Variants in CEBPZ observed in about 807,000 individuals in gnomAD.
The protein encoded by CEBPZ is CCAAT enhancer binding protein zeta.
Under a neutral mutation model 104.5 loss-of-function variants are expected in CEBPZ, and 78 were observed. The ratio of observed to expected loss-of-function variants is 0.75; its 90% CI spans 0.62 to 0.90. The LOEUF is 0.90. Ranked by LOEUF, CEBPZ falls within the 40% of genes least tolerant of loss-of-function variation. The pLI is 0.00. For synonymous variants in CEBPZ, 470 were observed against 427.0 expected (o/e 1.10, Z -1.24); for missense variants, 1,439 against 1,233.5 (o/e 1.17, Z -2.50).
At chr2:37,204,963 T>C (rs1677480949) in intron 13 of CEBPZ, among the ~76,000 whole-genome samples, 1 of 152,188 alleles carries the variant, frequency 6.6e-6, no homozygotes, top group Admixed American at 6.5e-5. Context: ...TCAGTAGAAC[T>C]TGAAGTAAAG....
chr2:37,229,184 AAGGAT>A, intron 1 of CEBPZ, 148 bp from the exon 2 acceptor site: 1 of 645,400 alleles, frequency 1.5e-6, no homozygotes, highest in Non-Finnish European at 2.4e-6. Flanking sequence ...CCACAAAGGA[AAGGAT>A]AAGTAAATTT....
chr2:37,214,286 C>T (rs1291126712), intron 9 of CEBPZ, among the ~76,000 whole-genome samples: 1 of 151,938 alleles, frequency 6.6e-6, no homozygotes, highest in Non-Finnish European at 1.5e-5. Flanking sequence ...AAAAAACAAG[C>T]CAAATCAAAC....
intron 12 of CEBPZ, chr2:37,211,373 T>C (rs1677715765): frequency 7.5e-6 from 2 of 265,092 alleles, no homozygotes; most frequent in Non-Finnish European, 1.4e-5. Context: ...TGGTTCAGAA[T>C]AAGTAAGAAG....
chr2:37,201,683 A>T lies in CEBPZ; in HGVS notation c.*81T>A. The T allele has an allele frequency of 1.2e-6, 1 of 852,940 alleles. No homozygotes were observed. The highest frequency in any genetic ancestry group is 2.6e-5 in the East Asian group (1 of 37,768). The allele number at this position is 852,940 out of a possible 1,614,324, so 52.8% of individuals were successfully genotyped here. A position where few individuals can be genotyped will look rare whatever the true frequency, so the allele number is the denominator to read the frequency against. On this transcript the variant is annotated 3_prime_UTR_variant, in exon 16 of 16. Coordinates refer to ENST00000234170, the MANE Select transcript of CEBPZ (RefSeq NM_005760.3). The stretch of plus-strand genomic sequence containing the variant: ...TGAGAAGTCTGGAATGTATGGAATC[A>T]GAGAGCTAGATCAAAAAACATGGTT...
chr2:37,219,862 C>T (rs564935839), intron 5 of CEBPZ, among the ~76,000 whole-genome samples: 100 of 152,268 alleles, frequency 6.6e-4, no homozygotes, highest in African/African-American at 2.3e-3. Flanking sequence ...ACAGTCATAA[C>T]CCATGCATGA....
chr2:37,209,729 G>C (rs1464699075), intron 13 of CEBPZ: 3 of 152,254 alleles, frequency 2.0e-5, no homozygotes, highest in East Asian at 3.9e-4. Flanking sequence ...ATTGGCTTAA[G>C]TAGAGTTCAT....
intron 13 of CEBPZ, among the ~76,000 whole-genome samples, chr2:37,205,837 T>A (rs1408966316): frequency 4.6e-5 from 7 of 152,204 alleles, no homozygotes; most frequent in African/African-American, 1.4e-4. Flanking sequence ...TGAAGCAGAA[T>A]CTTGTAAGAT....
At chr2:37,220,328 A>ATAT (rs1553351237) in intron 5 of CEBPZ, 57 bp downstream of exon 5, 2 of 501,506 alleles carry the variant, frequency 4.0e-6, no homozygotes, top group African/African-American at 2.1e-5. Context: ...AAAAAAAAAA[A>ATAT]ATATATATAT....
chr2:37,213,062 C>T (rs1275611307), intron 10 of CEBPZ, among the ~76,000 whole-genome samples: 2 of 151,572 alleles, frequency 1.3e-5, no homozygotes, highest in Non-Finnish European at 3.0e-5. Flanking sequence ...ACAAACAAAC[C>T]CCCCAAAAAA....
At chr2:37,203,146 T>A (rs750949162) in intron 13 of CEBPZ, 138 bp from the exon 14 acceptor site, 25 of 540,632 alleles carry the variant, frequency 4.6e-5, no homozygotes, top group Non-Finnish European at 7.3e-5. Flanking sequence ...ATTGGGTAGC[T>A]GGCATTTAAA....
intron 15 of CEBPZ, 140 bp downstream of exon 15, chr2:37,202,644 C>CAAAAAAAAAAAAAAAAAAAAAAAA (rs56340587): frequency 1.0e-5 from 2 of 192,918 alleles, no homozygotes; most frequent in Non-Finnish European, 1.7e-5. Context: ...GACGCTGTCT[C>CAAAAAAAAAAAAAAAAAAAAAAAA]AAAAAAAAAA....
At chr2:37,220,889 C>T (rs144229537) in intron 4 of CEBPZ, among the ~76,000 whole-genome samples, 2,041 of 152,078 alleles carry the variant, frequency 0.013, 21 homozygotes, top group Non-Finnish European at 0.02. Flanking sequence ...CCCAGCTATT[C>T]GGGAGACTGA....
chr2:37,221,034 C>T (rs992136744), intron 4 of CEBPZ, among the ~76,000 whole-genome samples: 1 of 152,046 alleles, frequency 6.6e-6, no homozygotes, highest in African/African-American at 2.4e-5. Flanking sequence ...AAAACTTCTC[C>T]TTTGGCTGGG....
chr2:37,224,548 TCTCTTTACATTTAAATTTTCC>T (rs143781184), intron 2 of CEBPZ, among the ~76,000 whole-genome samples: 111,310 of 151,584 alleles, frequency 0.73, 41,721 homozygotes, highest in East Asian at 0.98. Flanking sequence ...TTCAATTTTC[TCTCTTTACATTTAAATTTTCC>T]CTCTTTACAT....
chr2:37,226,448 A>T (rs187795886), intron 2 of CEBPZ, among the ~76,000 whole-genome samples: 1 of 152,280 alleles, frequency 6.6e-6, no homozygotes, highest in Admixed American at 6.5e-5. Context: ...TAACCTCCCA[A>T]CCTTCATTAA....
chr2:37,231,373 C>G (rs766597171), intron 1 of CEBPZ, 39 bp downstream of exon 1: 9 of 1,612,408 alleles, frequency 5.6e-6, no homozygotes, highest in Non-Finnish European at 2.5e-6. Context: ...TCGGAACTCT[C>G]CACGCCTGAT....
At chr2:37,230,246 T>C (rs536309814) in intron 1 of CEBPZ, among the ~76,000 whole-genome samples, 1 of 152,192 alleles carries the variant, frequency 6.6e-6, no homozygotes, top group Non-Finnish European at 1.5e-5. Context: ...GATAGGTGTA[T>C]ATATATGGTA....
chr2:37,212,835 TAAA>T (rs761764387), intron 10 of CEBPZ, among the ~76,000 whole-genome samples: 1 of 62,024 alleles, frequency 1.6e-5, no homozygotes, highest in East Asian at 3.1e-4. Context: ...CTATCTCTAT[TAAA>T]AAAAAAAAAA....
At chr2:37,231,260 G>A (rs1183450289) in intron 1 of CEBPZ, 152 bp downstream of exon 1, 1 of 1,012,744 alleles carries the variant, frequency 9.9e-7, no homozygotes, top group Non-Finnish European at 1.5e-6. Context: ...GGAAACCGGC[G>A]TGGGAAGCGC....
Sources: allele counts gnomAD v4.1 joint callset (sites outside exome capture counted in the v4.1 genomes callset), GRCh38; gene constraint gnomAD v4.1.1; transcripts MANE v1.5; gene names NCBI Gene and HGNC (gene_info 2026-07-23, HGNC 2026-07-21).